Variants in KATNA1 observed in about 807,000 individuals in gnomAD.
KATNA1 encodes the protein katanin catalytic subunit A1.
KATNA1 carries 42 observed loss-of-function variants against 62.6 expected under a neutral mutation model. The observed-to-expected ratio is 0.67, with a 90% CI of 0.52 to 0.87. KATNA1 has a LOEUF of 0.87. KATNA1 is among the 40% of genes least tolerant of loss of function. The pLI is 0.00. For missense variants in KATNA1, 498 were observed against 612.5 expected (o/e 0.81, Z 1.97); for synonymous variants, 186 against 201.9 (o/e 0.92, Z 0.67).
At position 149,604,775 on chromosome 6, in the gene KATNA1, G is replaced by T. The variant is rs1285718620; in HGVS notation, c.509C>A (p.Ser170Ter). The change falls in exon 5 of 11, where the codon TCA (serine) becomes TAA (stop). Residue 170 changes from serine (S) to a stop codon, truncating the protein, a stop_gained. Transcript: ENST00000367411. LOFTEE classifies it high-confidence loss of function. ...CTCTGGTTCTGTTACTGCAGCAGGT[G>T]ATTTGTTCTACATGAAGAGAAAAAA... Reference protein sequence around the residue: ...QNKGREEKNKSPAAVTEPETN... With the variant: ...QNKGREEKNK The T allele has an allele frequency of 6.2e-7, 1 of 1,613,424 alleles. No individual in the cohort carries two copies. The highest frequency in any genetic ancestry group is 1.3e-5 in the African/African-American group (1 of 74,964).
chr6:149,640,517 G>A (rs573358953), intron 1 of KATNA1, among the ~76,000 whole-genome samples: 20 of 152,026 alleles, frequency 1.3e-4, no homozygotes, highest in Non-Finnish European at 2.5e-4. Flanking sequence ...ATTTCTGTAA[G>A]TATGGTGGGG....
In KATNA1 at chr6:149,603,363, C is replaced by T. The variant is rs751701073; in HGVS notation, c.634G>A (p.Ala212Thr). The T allele has an allele frequency of 6.5e-7, 1 of 1,535,278 alleles. No individual in the cohort carries two copies. Among genetic ancestry groups the T allele is most frequent in the Non-Finnish European group, 9.0e-7 (1 of 1,113,060 alleles). Reference protein sequence around the residue: ...QNPNVRWDDIADLVEAKKLLK... With the variant: ...QNPNVRWDDITDLVEAKKLLK... ...AACTTTTTAGCTTCTACTAAATCAG[C>T]GATATCATCCCTGAAAGAGAAGACA... The change falls in exon 6 of 11, where the codon GCT becomes ACT. Residue 212 changes from alanine to threonine, a missense_variant. By Grantham distance (58) the Ala-to-Thr change is moderately conservative. Coordinates refer to ENST00000367411, the MANE Select transcript of KATNA1 (RefSeq NM_007044.4).
rs564833897 is a variant in KATNA1, at chr6:149,640,869, T to G, written c.-13-2309A>C. Among the ~76,000 whole-genome samples, 3 of 147,850 alleles carry G rather than the reference T, an allele frequency of 2.0e-5. No individual in the cohort carries two copies. In the South Asian group the frequency reaches 6.4e-4, roughly 32 times the overall value. On this transcript the variant is annotated intron_variant, in intron 1 of 10. Coordinates refer to ENST00000367411, the MANE Select transcript of KATNA1 (RefSeq NM_007044.4). ...GCCTCGGGTATTTTTGTTGTTGTTG[T>G]TTTTGTTTTTGTTTTTTTGAGACGG...
At chr6:149,626,109 T>G (rs1156984428) in intron 3 of KATNA1, among the ~76,000 whole-genome samples, 1 of 152,148 alleles carries the variant, frequency 6.6e-6, no homozygotes, top group South Asian at 2.1e-4. Flanking sequence ...AAATAGACAC[T>G]GACATATAAT....
intron 3 of KATNA1, chr6:149,631,564 C>CAAAAAAAAAAAAAA (rs11436870): frequency 1.4e-5 from 2 of 140,432 alleles, no homozygotes; most frequent in Non-Finnish European, 3.1e-5. Context: ...ACAAAAAAAA[C>CAAAAAAAAAAAAAA]AAAAAAAAAA....
At chr6:149,621,367 G>A (rs768711011) in intron 4 of KATNA1, among the ~76,000 whole-genome samples, 33 of 151,722 alleles carry the variant, frequency 2.2e-4, no homozygotes, top group African/African-American at 4.4e-4. Context: ...CTCGTGATCC[G>A]CCCAACTCGG....
chr6:149,623,342 T>C lies in KATNA1; in HGVS notation c.321-59A>G, dbSNP rs538545891. 1.0e-3 allele frequency: 1,317 copies of C among 1,261,186 alleles called. 1 individual carries two copies. Among genetic ancestry groups the C allele is most frequent in the Non-Finnish European group, 1.3e-3 (1,214 of 922,202 alleles). The allele number at this position is 1,261,186 out of a possible 1,614,324, so 78.1% of individuals were successfully genotyped here. Reference sequence around the variant, plus strand: ...AACTCCACATATGGATGAACACACATACTGTGTAAGTTAAGAGTCTATGAA... The same window carrying C: ...AACTCCACATATGGATGAACACACACACTGTGTAAGTTAAGAGTCTATGAA... On this transcript the variant is annotated intron_variant, in intron 3 of 10. Transcript: ENST00000367411.
intron 1 of KATNA1, 49 bp from the exon 2 acceptor site, chr6:149,638,609 A>G: frequency 7.7e-7 from 1 of 1,306,098 alleles, no homozygotes; most frequent in East Asian, 2.3e-5. Context: ...CATGTCTCTT[A>G]AAAATAAGTA....
chr6:149,622,577 C>A (rs9322197), intron 4 of KATNA1, among the ~76,000 whole-genome samples: 80,913 of 151,760 alleles, frequency 0.53, 24,742 homozygotes, highest in East Asian at 0.83. Context: ...AATTATATCA[C>A]AATATAAAGT....
intron 7 of KATNA1, among the ~76,000 whole-genome samples, chr6:149,598,794 C>G (rs988579363): frequency 9.2e-5 from 14 of 152,136 alleles, no homozygotes; most frequent in Non-Finnish European, 1.8e-4. Flanking sequence ...ATCTTTCTCT[C>G]ACGCTAATAC....
intron 2 of KATNA1, among the ~76,000 whole-genome samples, chr6:149,633,556 A>T (rs540667699): frequency 3.6e-4 from 53 of 149,186 alleles, no homozygotes; most frequent in African/African-American, 1.2e-3. Flanking sequence ...CATGGTAAAA[A>T]CCCCATCTCT....
intron 2 of KATNA1, among the ~76,000 whole-genome samples, chr6:149,638,012 G>A (rs758230308): frequency 2.6e-5 from 4 of 152,248 alleles, no homozygotes; most frequent in Admixed American, 6.5e-5. Context: ...GTCTAGCTCT[G>A]TTGCCCAGGC....
At position 149,597,678 on chromosome 6, in the gene KATNA1, A is replaced by T. The variant is rs764660615; in HGVS notation, c.1016-37T>A. ...GTAAGGGGAGAGTGAAAAAGATATT[A>T]AGTTGGATTATACCAAATGAAGCTC... On this transcript the variant is annotated intron_variant, in intron 8 of 10. Coordinates refer to ENST00000367411, the MANE Select transcript of KATNA1 (RefSeq NM_007044.4). The T allele has an allele frequency of 3.1e-6, 5 of 1,588,310 alleles. No homozygotes were observed. The South Asian group carries it at 5.7e-5, about 18-fold the overall frequency.
intron 4 of KATNA1, among the ~76,000 whole-genome samples, chr6:149,618,775 T>C (rs553075964): frequency 6.6e-6 from 1 of 152,274 alleles, no homozygotes; most frequent in South Asian, 2.1e-4. Flanking sequence ...TAGATATCCA[T>C]TTGCAGAAAT....
At chr6:149,640,815 G>A (rs1348716389) in intron 1 of KATNA1, among the ~76,000 whole-genome samples, 2 of 152,044 alleles carry the variant, frequency 1.3e-5, no homozygotes, top group Non-Finnish European at 2.9e-5. Context: ...CCAAAGTGCT[G>A]GGATTACAGG....
In KATNA1 at chr6:149,628,107, A is replaced by AT. The variant is rs1313783489; in HGVS notation, c.320+4651dup. On this transcript the variant is annotated intron_variant, in intron 3 of 10. Coordinates refer to ENST00000367411, the MANE Select transcript of KATNA1 (RefSeq NM_007044.4). ...CTTTAATGAACCTCCTTGTACTCACATTTTTTTTTTTTGAAACGGAGTGTC... is the reference window on the plus strand; with the variant it reads ...CTTTAATGAACCTCCTTGTACTCACATTTTTTTTTTTTTGAAACGGAGTGTC... Among the ~76,000 whole-genome samples the AT allele has an allele frequency of 1.9e-3, 271 of 145,312 alleles. 1 individual carries two copies. Among genetic ancestry groups the AT allele is most frequent in the Non-Finnish European group, 2.2e-3 (146 of 65,818 alleles).
chr6:149,642,792 G>C (rs1254371586), intron 1 of KATNA1, among the ~76,000 whole-genome samples: 1 of 152,128 alleles, frequency 6.6e-6, no homozygotes, highest in Non-Finnish European at 1.5e-5. Context: ...ATATATTAGA[G>C]AGTCTATGGA....
chr6:149,602,767 G>A (rs1036567429), intron 6 of KATNA1, among the ~76,000 whole-genome samples: 2 of 151,002 alleles, frequency 1.3e-5, no homozygotes, highest in South Asian at 2.1e-4. Context: ...TGTTGCCCAG[G>A]CTGGAGTGCA....
intron 4 of KATNA1, among the ~76,000 whole-genome samples, chr6:149,612,973 C>A (rs188148252): frequency 2.4e-4 from 37 of 151,496 alleles, no homozygotes; most frequent in African/African-American, 8.9e-4. Flanking sequence ...TAAAGAGTAT[C>A]CACAAAACCA....
Sources: gnomAD v4.1 joint callset for allele counts (sites outside exome capture counted in the v4.1 genomes callset) on GRCh38, gnomAD v4.1.1 for gene constraint, MANE v1.5 for transcripts, NCBI Gene and HGNC (gene_info 2026-07-23, HGNC 2026-07-21) for gene names.